Variants in MBD5 observed in about 807,000 individuals in gnomAD.
The protein encoded by MBD5 is methyl-CpG-binding domain protein 5.
In MBD5, 13 loss-of-function variants were observed where a neutral mutation model predicts 117.3. That is an observed-to-expected ratio of 0.11 (90% confidence interval 0.07 to 0.18). The LOEUF is 0.18. MBD5 is among the 10% of genes least tolerant of loss of function. The pLI, the probability that MBD5 is intolerant of heterozygous loss-of-function variation, is 1.00. For synonymous variants in MBD5, 727 were observed against 766.4 expected, an observed-to-expected ratio of 0.95 and a Z score of 0.85; for missense variants, 1,879 against 2,093.8, an observed-to-expected ratio of 0.90 and a Z score of 2.00.
intron 1 of MBD5, among the ~76,000 whole-genome samples, chr2:148,087,161 A>G (rs1236589407): frequency 1.3e-5 from 2 of 152,188 alleles, no homozygotes; most frequent in African/African-American, 2.4e-5. Flanking sequence ...ACTGAAAGAA[A>G]TCACCAATCC....
intron 3 of MBD5, among the ~76,000 whole-genome samples, chr2:148,279,254 A>C (rs373479737): frequency 1.3e-5 from 2 of 152,156 alleles, no homozygotes; most frequent in East Asian, 3.9e-4. Flanking sequence ...ACATAGTGAG[A>C]TCCCATTTCT....
intron 1 of MBD5, among the ~76,000 whole-genome samples, chr2:148,158,502 C>T (rs747146719): frequency 7.9e-5 from 12 of 152,136 alleles, no homozygotes; most frequent in Non-Finnish European, 1.8e-4. Flanking sequence ...CCTAAACCTT[C>T]GTGGTACGAA....
chr2:148,219,785 A>T (rs551997494), intron 2 of MBD5, among the ~76,000 whole-genome samples: 7 of 152,312 alleles, frequency 4.6e-5, no homozygotes, highest in Non-Finnish European at 8.8e-5. Context: ...ACATTATCCT[A>T]CAAAGCTATA....
chr2:148,451,495 T>A (rs887875359), intron 4 of MBD5, among the ~76,000 whole-genome samples: 1 of 151,970 alleles, frequency 6.6e-6, no homozygotes, highest in Non-Finnish European at 1.5e-5. Flanking sequence ...ATAATTGATA[T>A]GAGGGTGAAA....
chr2:148,405,212 T>A (rs931271674), intron 4 of MBD5, among the ~76,000 whole-genome samples: 5 of 152,240 alleles, frequency 3.3e-5, no homozygotes, highest in Non-Finnish European at 7.3e-5. Context: ...GATCTCTTGC[T>A]TAAATTCTAG....
chr2:148,308,283 C>T (rs1701941846), intron 3 of MBD5, among the ~76,000 whole-genome samples: 2 of 152,136 alleles, frequency 1.3e-5, no homozygotes, highest in Admixed American at 6.5e-5. Flanking sequence ...CCTATTTCTC[C>T]ACATCCTCTG....
At chr2:148,046,020 T>A (rs973283330) in intron 1 of MBD5, among the ~76,000 whole-genome samples, 1 of 132,684 alleles carries the variant, frequency 7.5e-6, no homozygotes, top group African/African-American at 2.8e-5. Flanking sequence ...AGTCTCGCGG[T>A]GTTGCCAGGC....
At chr2:148,167,319 G>T (rs1330686564) in intron 1 of MBD5, among the ~76,000 whole-genome samples, 1 of 152,166 alleles carries the variant, frequency 6.6e-6, no homozygotes, top group Admixed American at 6.5e-5. Flanking sequence ...ACCATATCTT[G>T]TTGTTTAAAC....
intron 1 of MBD5, among the ~76,000 whole-genome samples, chr2:148,159,416 A>G (rs1697953049): frequency 6.6e-6 from 1 of 152,000 alleles, no homozygotes; most frequent in African/African-American, 2.4e-5. Context: ...CCCAGGCTCA[A>G]GGGATCCTCC....
chr2:148,238,731 G>A (rs1011502088), intron 3 of MBD5, among the ~76,000 whole-genome samples: 25 of 152,128 alleles, frequency 1.6e-4, no homozygotes, highest in African/African-American at 5.5e-4. Context: ...TGGCTGTGGC[G>A]TTGCCAGCAA....
At chr2:148,450,840 A>C (rs966169510) in intron 4 of MBD5, among the ~76,000 whole-genome samples, 18 of 152,116 alleles carry the variant, frequency 1.2e-4, no homozygotes, top group African/African-American at 4.3e-4. Context: ...ATGTGACTAG[A>C]GTGTATAAGT....
At chr2:148,284,790 A>G (rs963661793) in intron 3 of MBD5, among the ~76,000 whole-genome samples, 8 of 152,268 alleles carry the variant, frequency 5.3e-5, no homozygotes, top group Admixed American at 2.6e-4. Context: ...ATACTGTTCT[A>G]TCAATTTTAA....
At chr2:148,097,779 C>T (rs1696107191) in intron 1 of MBD5, among the ~76,000 whole-genome samples, 1 of 152,136 alleles carries the variant, frequency 6.6e-6, no homozygotes. Context: ...AAGGTTTCCC[C>T]AGAAGCCATA....
At chr2:148,146,186 A>G (rs79106787) in intron 1 of MBD5, among the ~76,000 whole-genome samples, 12,792 of 152,172 alleles carry the variant, frequency 0.084, 602 homozygotes, top group South Asian at 0.14. Flanking sequence ...TGAGCTTTTA[A>G]TCTTATTACA....
chr2:148,412,259 T>C (rs1705275625), intron 4 of MBD5, among the ~76,000 whole-genome samples: 1 of 148,754 alleles, frequency 6.7e-6, no homozygotes, highest in African/African-American at 2.5e-5. Flanking sequence ...ACTGTAGCCT[T>C]GTAGTATACT....
At chr2:148,463,175 G>A (rs1707147894) in intron 6 of MBD5, among the ~76,000 whole-genome samples, 1 of 151,974 alleles carries the variant, frequency 6.6e-6, no homozygotes, top group African/African-American at 2.4e-5. Flanking sequence ...TATAGAAATA[G>A]GTCATTATTT....
chr2:148,038,924 A>G (rs1694278997), intron 1 of MBD5, among the ~76,000 whole-genome samples: 1 of 152,238 alleles, frequency 6.6e-6, no homozygotes, highest in African/African-American at 2.4e-5. Flanking sequence ...GCAAAGCACA[A>G]TTATAGGATC....
At chr2:148,055,095 TTC>T (rs1694820346) in intron 1 of MBD5, 1 of 152,238 alleles carries the variant, frequency 6.6e-6, no homozygotes, top group Non-Finnish European at 1.5e-5. Flanking sequence ...TCTTTTTATG[TTC>T]TGATACTGAT....
intron 3 of MBD5, among the ~76,000 whole-genome samples, chr2:148,325,047 G>A (rs1406496991): frequency 6.6e-6 from 1 of 152,120 alleles, no homozygotes; most frequent in African/African-American, 2.4e-5. Flanking sequence ...AGCATGAAGG[G>A]TTGTTGAATT....
Sources: allele counts gnomAD v4.1 joint callset (sites outside exome capture counted in the v4.1 genomes callset), GRCh38; gene constraint gnomAD v4.1.1; transcripts MANE v1.5; gene names NCBI Gene and HGNC (gene_info 2026-07-23, HGNC 2026-07-21).